The following ADAMTS6 variants were observed in gnomAD, a reference collection of about 807,000 sequenced individuals.
ADAMTS6 encodes the protein ADAM metallopeptidase with thrombospondin type 1 motif 6.
A neutral mutation model predicts 144.3 loss-of-function variants in ADAMTS6; 23 were observed. The ratio of observed to expected loss-of-function variants is 0.16; its 90% CI spans 0.11 to 0.23. The LOEUF (loss-of-function observed/expected upper bound fraction) is 0.23, where lower values mean the gene tolerates loss of function less well. ADAMTS6 is among the 10% of genes least tolerant of loss of function. ADAMTS6 has a pLI of 1.00. For synonymous variants in ADAMTS6, 444 were observed against 457.5 expected (o/e 0.97, Z 0.38); for missense variants, 999 against 1,379.6 (o/e 0.72, Z 4.37).
intron 21 of ADAMTS6, 32 bp from the exon 22 acceptor site, chr5:65,188,252 G>A (rs780790456): frequency 6.2e-7 from 1 of 1,607,426 alleles, no homozygotes; most frequent in South Asian, 1.1e-5. Context: ...ACACAGAAAA[G>A]CATTTCCTCA....
At chr5:65,404,156 T>C (rs1418660797) in intron 7 of ADAMTS6, among the ~76,000 whole-genome samples, 1 of 152,114 alleles carries the variant, frequency 6.6e-6, no homozygotes, top group Non-Finnish European at 1.5e-5. Context: ...ACTTAGTTTT[T>C]TTTTTATACT....
chr5:65,353,962 T>C (rs1336946851), intron 7 of ADAMTS6, among the ~76,000 whole-genome samples: 3 of 152,060 alleles, frequency 2.0e-5, no homozygotes, highest in African/African-American at 7.2e-5. Context: ...TATTAGTTCA[T>C]TGTTCTTTTT....
At chr5:65,235,749 G>T (rs187215257) in intron 15 of ADAMTS6, among the ~76,000 whole-genome samples, 4 of 152,116 alleles carry the variant, frequency 2.6e-5, no homozygotes, top group Non-Finnish European at 5.9e-5. Flanking sequence ...CCTTGTGATC[G>T]TGTGAACTAA....
chr5:65,193,975 C>T (rs1755174364), intron 21 of ADAMTS6, among the ~76,000 whole-genome samples: 1 of 152,018 alleles, frequency 6.6e-6, no homozygotes, highest in Non-Finnish European at 1.5e-5. Flanking sequence ...CCTCTGTATA[C>T]ATAGAAAAAA....
chr5:65,409,390 A>G (rs934783404), intron 7 of ADAMTS6, among the ~76,000 whole-genome samples: 2 of 152,222 alleles, frequency 1.3e-5, no homozygotes, highest in African/African-American at 2.4e-5. Flanking sequence ...ATAAACTAGA[A>G]AATCTAGAAG....
At chr5:65,274,633 C>T (rs757880983) in intron 11 of ADAMTS6, among the ~76,000 whole-genome samples, 4 of 152,022 alleles carry the variant, frequency 2.6e-5, no homozygotes, top group Non-Finnish European at 5.9e-5. Context: ...CTTTAGGGTG[C>T]CTCCTACCAG....
chr5:65,280,360 T>C (rs1365624737), intron 11 of ADAMTS6, among the ~76,000 whole-genome samples: 1 of 152,192 alleles, frequency 6.6e-6, no homozygotes, highest in Non-Finnish European at 1.5e-5. Flanking sequence ...ACACAAATGA[T>C]ACAAAAGATG....
At chr5:65,349,465 C>T (rs919701914) in intron 7 of ADAMTS6, among the ~76,000 whole-genome samples, 14 of 152,162 alleles carry the variant, frequency 9.2e-5, no homozygotes, top group East Asian at 1.9e-4. Flanking sequence ...GTAATCATTT[C>T]GCTTTTTTAC....
At chr5:65,444,320 C>T (rs1056414991) in intron 7 of ADAMTS6, among the ~76,000 whole-genome samples, 2 of 152,016 alleles carry the variant, frequency 1.3e-5, no homozygotes, top group Admixed American at 1.3e-4. Context: ...AAGCTGAGAT[C>T]GTGCCATTGC....
At chr5:65,325,592 C>A (rs1179188629) in intron 9 of ADAMTS6, among the ~76,000 whole-genome samples, 3 of 151,510 alleles carry the variant, frequency 2.0e-5, no homozygotes, top group African/African-American at 7.3e-5. Flanking sequence ...ATCTTCTGGG[C>A]TCAGCTATCC....
chr5:65,439,095 AT>A (rs953139206), intron 7 of ADAMTS6, among the ~76,000 whole-genome samples: 3 of 152,064 alleles, frequency 2.0e-5, no homozygotes, highest in African/African-American at 7.2e-5. Flanking sequence ...GTGACGGAAA[AT>A]CCCAAAAAGT....
At chr5:65,398,810 AAGAAAGAAAGAAAGAAAG>A (rs1183099361) in intron 7 of ADAMTS6, among the ~76,000 whole-genome samples, 2 of 118,644 alleles carry the variant, frequency 1.7e-5, no homozygotes, top group Admixed American at 7.7e-5. Flanking sequence ...GAAAGAAAGA[AAGAAAGAAAGAAAGAAAG>A]AAAGAAAGAA....
At chr5:65,372,646 G>A (rs1318092031) in intron 7 of ADAMTS6, among the ~76,000 whole-genome samples, 15 of 151,118 alleles carry the variant, frequency 9.9e-5, no homozygotes, top group Admixed American at 2.0e-4. Flanking sequence ...AGACTCCCAC[G>A]CATTAATAAT....
chr5:65,402,767 G>A (rs192103597), intron 7 of ADAMTS6, among the ~76,000 whole-genome samples: 36 of 151,464 alleles, frequency 2.4e-4, no homozygotes, highest in Admixed American at 1.1e-3. Context: ...GTTTTCCCCC[G>A]TCTCTCCTAC....
chr5:65,153,833 T>C (rs1030957073), intron 24 of ADAMTS6, among the ~76,000 whole-genome samples: 1 of 152,188 alleles, frequency 6.6e-6, no homozygotes, highest in African/African-American at 2.4e-5. Flanking sequence ...CCAGTTTAAA[T>C]TATAATACAT....
intron 9 of ADAMTS6, among the ~76,000 whole-genome samples, chr5:65,328,836 T>C (rs1462157856): frequency 2.0e-5 from 3 of 151,986 alleles, no homozygotes; most frequent in African/African-American, 7.2e-5. Flanking sequence ...AAAACAAACA[T>C]TAAAACCTTC....
chr5:65,163,190 T>C (rs965219620), intron 24 of ADAMTS6, among the ~76,000 whole-genome samples: 5 of 152,002 alleles, frequency 3.3e-5, no homozygotes, highest in Admixed American at 3.3e-4. Flanking sequence ...AGATTACAGA[T>C]GTGAGCCACC....
intron 1 of ADAMTS6, among the ~76,000 whole-genome samples, chr5:65,480,092 AC>A (rs1490724733): frequency 2.4e-4 from 37 of 152,340 alleles, no homozygotes; most frequent in Non-Finnish European, 3.7e-4. Context: ...ATTTTGTGTT[AC>A]GTTTCTTTTC....
At chr5:65,263,540 A>ATC (rs1761377637) in intron 12 of ADAMTS6, among the ~76,000 whole-genome samples, 3 of 152,134 alleles carry the variant, frequency 2.0e-5, no homozygotes, top group Admixed American at 1.3e-4. Flanking sequence ...GGGTACAAAA[A>ATC]AACCCTTGTA....
Sources: gnomAD v4.1 joint callset for allele counts (sites outside exome capture counted in the v4.1 genomes callset) on GRCh38, gnomAD v4.1.1 for gene constraint, MANE v1.5 for transcripts, NCBI Gene and HGNC (gene_info 2026-07-23, HGNC 2026-07-21) for gene names.